MAP3K13: variants seen among roughly 807,000 people sequenced by gnomAD.
The protein encoded by MAP3K13 is leucine zipper-bearing kinase.
Under a neutral mutation model 104.0 loss-of-function variants are expected in MAP3K13, and 52 were observed. The ratio of observed to expected loss-of-function variants is 0.50; its 90% confidence interval spans 0.40 to 0.63. MAP3K13 has a LOEUF of 0.63. Among genes scored for constraint, MAP3K13 ranks in the 20% least tolerant of loss-of-function variants. The probability of loss-of-function intolerance (pLI) is 0.00; values close to 1 mark genes in which losing one functional copy is unlikely to be tolerated. For synonymous variants in MAP3K13, 394 were observed against 442.2 expected (o/e 0.89, Z 1.37); for missense variants, 914 against 1,218.5 (o/e 0.75, Z 3.72).
intron 2 of MAP3K13, among the ~76,000 whole-genome samples, chr3:185,319,646 A>G (rs1428420708): frequency 6.6e-6 from 1 of 152,236 alleles, no homozygotes; most frequent in East Asian, 1.9e-4. Flanking sequence ...ACCAAATTGC[A>G]TGGTGGTATT....
rs1044594087 is a variant in MAP3K13 at position 185,289,910 on chromosome 3, A to G, written c.-86+4267A>G. Among the ~76,000 whole-genome samples the G allele has an allele frequency of 3.3e-5, 5 of 152,346 alleles. 1 individual carries two copies. The highest frequency in any genetic ancestry group is 6.5e-5 in the Admixed American group (1 of 15,302). ...TTGGCATTTGGAGAGGCTGCGTTGT[A>G]TAGTGGAAAGAGCGCAAACTCTAGA... On this transcript the variant is annotated intron_variant, in intron 2 of 14. Coordinates refer to the MAP3K13 transcript ENST00000424227.
chr3:185,363,307 T>A lies in MAP3K13; in HGVS notation c.-147T>A. 1 of 985,414 alleles carries A rather than the reference T, an allele frequency of 1.0e-6. No homozygotes were observed. The highest frequency in any genetic ancestry group is 1.2e-6 in the Non-Finnish European group (1 of 829,920). The allele number at this position is 985,414 out of a possible 1,614,324, so 61.0% of individuals were successfully genotyped here. On this transcript the variant is annotated 5_prime_UTR_variant, in exon 1 of 14. Coordinates refer to ENST00000265026, the MANE Select transcript of MAP3K13 (RefSeq NM_004721.5). The stretch of plus-strand genomic sequence containing the variant: ...TTCCAATTCTGCAAGGCTTTTAAAA[T>A]TCACCTTACATCTTTTCAAAGCAAG...
intron 3 of MAP3K13, among the ~76,000 whole-genome samples, chr3:185,442,296 C>T (rs931538448): frequency 6.6e-6 from 1 of 151,130 alleles, no homozygotes; most frequent in Non-Finnish European, 1.5e-5. Flanking sequence ...CTTGTTACGA[C>T]GTCACCACAT....
At chr3:185,379,025 A>T (rs1724575560) in intron 1 of MAP3K13, among the ~76,000 whole-genome samples, 1 of 152,190 alleles carries the variant, frequency 6.6e-6, no homozygotes, top group African/African-American at 2.4e-5. Context: ...AAGGTTGCCC[A>T]TGGTGAAGGA....
chr3:185,360,329 A>G (rs531774769), upstream of MAP3K13, among the ~76,000 whole-genome samples: 1 of 152,362 alleles, frequency 6.6e-6, no homozygotes, highest in South Asian at 2.1e-4. Flanking sequence ...CAAGAACACT[A>G]GCCATCTTTC....
intron 2 of MAP3K13, among the ~76,000 whole-genome samples, chr3:185,344,707 C>T (rs527747160): frequency 6.6e-6 from 1 of 152,236 alleles, no homozygotes; most frequent in African/African-American, 2.4e-5. Flanking sequence ...TCAGTTAGGC[C>T]CTCATGGCTG....
chr3:185,343,673 G>A lies in MAP3K13; in HGVS notation c.-86+58030G>A, dbSNP rs574229177. On this transcript the variant is annotated intron_variant, in intron 2 of 14. Transcript: ENST00000424227. ...TCACCGTGTTGGCCAGGATGGTCTC[G>A]ATCTCTTGACCTTGTGATCTGCCCG... Among the ~76,000 whole-genome samples, 9 of 152,200 alleles carry A rather than the reference G, an allele frequency of 5.9e-5. No homozygotes were observed. The South Asian group carries it at 1.7e-3, about 28-fold the overall frequency.
intron 1 of MAP3K13, among the ~76,000 whole-genome samples, chr3:185,422,433 A>G (rs898957514): frequency 1.8e-4 from 27 of 152,240 alleles, no homozygotes; most frequent in Middle Eastern, 3.2e-3. Flanking sequence ...TTAAATATCA[A>G]ACGCGTATGA....
At chr3:185,463,239 G>A (rs957363459) in intron 7 of MAP3K13, among the ~76,000 whole-genome samples, 4 of 152,168 alleles carry the variant, frequency 2.6e-5, no homozygotes, top group Admixed American at 2.6e-4. Context: ...TTGCCTTAAA[G>A]TGAACTCTTT....
chr3:185,316,950 G>C (rs776343057), intron 2 of MAP3K13, among the ~76,000 whole-genome samples: 1 of 152,112 alleles, frequency 6.6e-6, no homozygotes, highest in Non-Finnish European at 1.5e-5. Context: ...AAACATTCTT[G>C]TTAAAAGACT....
In MAP3K13 at chr3:185,486,045, T is replaced by C. The variant is rs1261247696; in HGVS notation, c.*3589T>C. On this transcript the variant is annotated 3_prime_UTR_variant, in exon 14 of 14. Transcript: ENST00000265026. The stretch of plus-strand genomic sequence containing the variant: ...GGAACAGAGATGCTACAACTCTATG[T>C]CTTCTTTCTATCCAACATAAAACAC... The C allele has an allele frequency of 6.6e-6, 1 of 152,234 alleles. No individual in the cohort carries two copies. 9.4% of individuals were successfully genotyped at this position (152,234 alleles called of 1,614,324 possible). A position where few individuals can be genotyped will look rare whatever the true frequency, so the allele number is the denominator to read the frequency against.
At position 185,287,919 on chromosome 3, in the gene MAP3K13, C is replaced by T. The variant is rs538003310; in HGVS notation, c.-86+2276C>T. On this transcript the variant is annotated intron_variant, in intron 2 of 14. Transcript: ENST00000424227. ...GGGCATGGTGGCACATGCCTGTAATCCCAGCTACTTGGGAGGCTGAGGTAG... is the reference window on the plus strand; with the variant it reads ...GGGCATGGTGGCACATGCCTGTAATTCCAGCTACTTGGGAGGCTGAGGTAG... Among the ~76,000 whole-genome samples, 257 of 152,252 alleles carry T rather than the reference C, an allele frequency of 1.7e-3. 2 individuals are homozygous for T. The highest frequency in any genetic ancestry group is 2.7e-3 in the South Asian group (13 of 4,824).
intron 7 of MAP3K13, among the ~76,000 whole-genome samples, chr3:185,455,244 ATGATATATATGAGATATATG>A: frequency 5.7e-5 from 1 of 17,588 alleles, no homozygotes; most frequent in African/African-American, 1.0e-4. Context: ...AGATATATAT[ATGATATATATGAGATATATG>A]AGATATATAT....
chr3:185,443,704 C>T, intron 4 of MAP3K13, 68 bp downstream of exon 4: 2 of 1,359,576 alleles, frequency 1.5e-6, no homozygotes, highest in Non-Finnish European at 2.1e-6. Context: ...TTTTATCAAC[C>T]TCAGTTGACG....
chr3:185,313,111 C>T (rs931456715), intron 2 of MAP3K13, among the ~76,000 whole-genome samples: 2 of 151,198 alleles, frequency 1.3e-5, no homozygotes, highest in Non-Finnish European at 2.9e-5. Context: ...ATCACTTGAA[C>T]CCAGGAGGTG....
At chr3:185,358,791 T>C (rs1311972418), upstream of MAP3K13, among the ~76,000 whole-genome samples, 3 of 152,190 alleles carry the variant, frequency 2.0e-5, no homozygotes, top group Non-Finnish European at 4.4e-5. Context: ...AGGAGACAGA[T>C]TGTTTTCCAG....
At chr3:185,346,203 T>A (rs1577447694) in intron 2 of MAP3K13, among the ~76,000 whole-genome samples, 1 of 152,314 alleles carries the variant, frequency 6.6e-6, no homozygotes, top group South Asian at 2.1e-4. Context: ...TAAAATAATT[T>A]GGTTAAAATA....
intron 2 of MAP3K13, among the ~76,000 whole-genome samples, chr3:185,310,244 A>G (rs1372551478): frequency 2.7e-4 from 41 of 152,206 alleles, no homozygotes; most frequent in Non-Finnish European, 4.4e-5. Flanking sequence ...TCTCTTTGGA[A>G]TTTGTTCACC....
Position 185,305,007 on chromosome 3 carries a change from T to C in MAP3K13, c.-86+19364T>C, listed in dbSNP as rs1204868559. Among the ~76,000 whole-genome samples, 3 of 152,250 alleles carry C rather than the reference T, an allele frequency of 2.0e-5. No individual in the cohort carries two copies. In the East Asian group the frequency reaches 5.8e-4, roughly 29 times the overall value. ...TTTCACTTTCAGTCTATGTGTGTTC[T>C]TATATCTAAAGTAAGTTTCTTATAC... On this transcript the variant is annotated intron_variant, in intron 2 of 14. Transcript: ENST00000424227.
Sources: gnomAD v4.1 joint callset for allele counts (sites outside exome capture counted in the v4.1 genomes callset) on GRCh38, gnomAD v4.1.1 for gene constraint, MANE v1.5 for transcripts, NCBI Gene and HGNC (gene_info 2026-07-23, HGNC 2026-07-21) for gene names.